Variants in TYW1 observed in about 807,000 individuals in gnomAD.
TYW1 encodes the protein tRNA-yW synthesizing protein 1 homolog, also known as S-adenosyl-L-methionine-dependent tRNA 4-demethylwyosine synthase TYW1.
TYW1 carries 46 observed loss-of-function variants against 96.2 expected under a neutral mutation model. That is an observed-to-expected ratio of 0.48 (90% CI 0.38 to 0.61). The LOEUF (loss-of-function observed/expected upper bound fraction) is 0.61, where lower values mean the gene tolerates loss of function less well. Among genes scored for constraint, TYW1 ranks in the 20% least tolerant of loss-of-function variants. TYW1 has a pLI of 0.00. For synonymous variants in TYW1, 274 were observed against 323.0 expected, an observed-to-expected ratio of 0.85 and a Z score of 1.63; for missense variants, 684 against 909.6, an observed-to-expected ratio of 0.75 and a Z score of 3.19.
At chr7:67,038,354 C>T (rs1445513832) in intron 7 of TYW1, among the ~76,000 whole-genome samples, 3 of 151,664 alleles carry the variant, frequency 2.0e-5, no homozygotes, top group Non-Finnish European at 4.4e-5. Context: ...TCCTGTAATC[C>T]CAGAACTTTG....
At chr7:67,020,815 G>C (rs866220852) in intron 6 of TYW1, among the ~76,000 whole-genome samples, 1 of 152,292 alleles carries the variant, frequency 6.6e-6, no homozygotes, top group African/African-American at 2.4e-5. Context: ...GGATCATGAG[G>C]TTGGGAGTTC....
chr7:67,030,098 G>T (rs1794624502), intron 7 of TYW1, among the ~76,000 whole-genome samples: 2 of 152,158 alleles, frequency 1.3e-5, no homozygotes, highest in African/African-American at 2.4e-5. Flanking sequence ...GCCCCACTGA[G>T]CTTCAGTGTC....
intron 13 of TYW1, among the ~76,000 whole-genome samples, chr7:67,157,432 T>G (rs1799017955): frequency 6.6e-6 from 1 of 152,048 alleles, no homozygotes; most frequent in African/African-American, 2.4e-5. Context: ...ATTGCAGGTG[T>G]CAACCACCAT....
chr7:67,197,390 A>G (rs1584684395), intron 15 of TYW1, among the ~76,000 whole-genome samples: 1 of 150,716 alleles, frequency 6.6e-6, no homozygotes, highest in African/African-American at 2.4e-5. Context: ...CAGTGATGCA[A>G]CCTCGGCTCA....
intron 13 of TYW1, among the ~76,000 whole-genome samples, chr7:67,133,262 C>T (rs566838777): frequency 1.2e-4 from 17 of 144,900 alleles, no homozygotes; most frequent in Admixed American, 4.8e-4. Flanking sequence ...TCAGTCCCCC[C>T]ACGAAGCTCG....
chr7:67,177,992 G>GA (rs779084687), intron 13 of TYW1, among the ~76,000 whole-genome samples: 28,417 of 103,680 alleles, frequency 0.27, 3,363 homozygotes, highest in African/African-American at 0.36. Flanking sequence ...TGTCTCTACA[G>GA]AAAAAAAAAA....
intron 15 of TYW1, among the ~76,000 whole-genome samples, chr7:67,235,203 A>G (rs59194611): frequency 0.27 from 40,741 of 152,096 alleles, 5,823 homozygotes; most frequent in African/African-American, 0.36. Flanking sequence ...ACTCCTCTAC[A>G]GGGCCAAGCT....
intron 15 of TYW1, among the ~76,000 whole-genome samples, chr7:67,204,765 C>T (rs1436370129): frequency 1.8e-4 from 28 of 151,814 alleles, no homozygotes; most frequent in Non-Finnish European, 2.1e-4. Context: ...AGCTAATTTT[C>T]TCATTTTTAT....
intron 11 of TYW1, among the ~76,000 whole-genome samples, chr7:67,094,325 T>G (rs1461681634): frequency 6.6e-6 from 1 of 152,054 alleles, no homozygotes; most frequent in African/African-American, 2.4e-5. Context: ...GGGTACAGGT[T>G]TTTTTTTAAT....
intron 3 of TYW1, among the ~76,000 whole-genome samples, chr7:67,000,140 T>A (rs1793330854): frequency 6.6e-6 from 1 of 152,086 alleles, no homozygotes; most frequent in Non-Finnish European, 1.5e-5. Context: ...TTTGCCATGT[T>A]GCCCAGGCTG....
intron 10 of TYW1, among the ~76,000 whole-genome samples, chr7:67,081,747 C>T (rs1478050787): frequency 6.7e-6 from 1 of 150,288 alleles, no homozygotes; most frequent in African/African-American, 2.5e-5. Flanking sequence ...TTTTTCTCAT[C>T]TTCTCCTCTT....
At chr7:67,008,622 T>C (rs1212871857) in intron 3 of TYW1, among the ~76,000 whole-genome samples, 3 of 152,174 alleles carry the variant, frequency 2.0e-5, no homozygotes. Flanking sequence ...ACCGGCTTCT[T>C]TTCATGTTTC....
Position 67,183,150 on chromosome 7 carries a change from AC to A in TYW1, c.1724del (p.Thr575SerfsTer3). 6.2e-7 allele frequency: 1 copy of A among 1,612,474 alleles called. No homozygotes were observed. The highest frequency in any genetic ancestry group is 1.7e-5 in the Admixed American group (1 of 59,868). ...VKQQRTVYRL[T>X]LVKAWNVDEL... ...GCAACAACGAACTGTCTACAGACTG[AC>A]GCTCGTGAAAGCATGGAACGTGGAC... On this transcript the variant is annotated frameshift_variant, in exon 14 of 16. Transcript: ENST00000359626. LOFTEE classifies it high-confidence loss of function.
In TYW1 at chr7:67,079,304, A is replaced by G. The variant is rs566714192; in HGVS notation, c.1275-4126A>G. On this transcript the variant is annotated intron_variant, in intron 10 of 15. Coordinates refer to ENST00000359626, the MANE Select transcript of TYW1 (RefSeq NM_018264.4). ...ATTTAATCTTGTTAATGATCTGTTC[A>G]GGTTTTCTCTTTCTTCCTGGTTTAT... Among the ~76,000 whole-genome samples, 99 of 151,918 alleles carry G rather than the reference A, an allele frequency of 6.5e-4. 1 individual carries two copies. The highest frequency in any genetic ancestry group is 6.8e-3 in the Middle Eastern group (2 of 294).
intron 11 of TYW1, among the ~76,000 whole-genome samples, chr7:67,090,764 C>G (rs1796690776): frequency 6.6e-6 from 1 of 152,074 alleles, no homozygotes; most frequent in Admixed American, 6.6e-5. Flanking sequence ...GTTGAAATGT[C>G]CTGTGTCTCA....
intron 13 of TYW1, among the ~76,000 whole-genome samples, chr7:67,156,736 G>A (rs962530364): frequency 6.6e-6 from 1 of 152,010 alleles, no homozygotes; most frequent in Non-Finnish European, 1.5e-5. Flanking sequence ...CTCCAGGGCA[G>A]GATGCAGTCT....
chr7:67,153,304 A>C (rs570293728), intron 13 of TYW1, among the ~76,000 whole-genome samples: 6 of 152,188 alleles, frequency 3.9e-5, no homozygotes, highest in African/African-American at 7.2e-5. Context: ...AAAAATACAC[A>C]AATTAGCTGG....
At chr7:67,189,095 G>T (rs2844121) in intron 14 of TYW1, among the ~76,000 whole-genome samples, 43,996 of 152,006 alleles carry the variant, frequency 0.29, 7,066 homozygotes, top group African/African-American at 0.43. Flanking sequence ...TTTAGGAAAC[G>T]CTACCTTCCT....
intron 10 of TYW1, among the ~76,000 whole-genome samples, chr7:67,076,569 AG>A (rs1353403955): frequency 6.6e-6 from 1 of 151,784 alleles, no homozygotes; most frequent in East Asian, 1.9e-4. Context: ...TCTGCCTCCC[AG>A]GTTCAAGCGA....
Sources: allele counts gnomAD v4.1 joint callset (sites outside exome capture counted in the v4.1 genomes callset), GRCh38; gene constraint gnomAD v4.1.1; transcripts MANE v1.5; gene names NCBI Gene and HGNC (gene_info 2026-07-23, HGNC 2026-07-21).